The following LPP variants were observed in gnomAD, a reference collection of about 807,000 sequenced individuals.
The protein encoded by LPP is lipoma-preferred partner.
In LPP, 38 loss-of-function variants were observed where a neutral mutation model predicts 60.4. The ratio of observed to expected loss-of-function variants is 0.63; its 90% CI spans 0.49 to 0.83. The LOEUF is 0.83. Ranked by LOEUF, LPP falls within the 40% of genes least tolerant of loss-of-function variation. The pLI is 0.00. For synonymous variants in LPP, 328 were observed against 290.8 expected, an observed-to-expected ratio of 1.13 and a Z score of -1.30; for missense variants, 902 against 783.6, an observed-to-expected ratio of 1.15 and a Z score of -1.80.
chr3:188,206,283 G>A (rs1158705063), intron 1 of LPP, among the ~76,000 whole-genome samples: 1 of 152,150 alleles, frequency 6.6e-6, no homozygotes, highest in Non-Finnish European at 1.5e-5. Flanking sequence ...CCACAGAGTA[G>A]CTGCAGGACC....
intron 7 of LPP, among the ~76,000 whole-genome samples, chr3:188,653,349 C>T (rs1852474658): frequency 6.6e-6 from 1 of 152,104 alleles, no homozygotes; most frequent in Admixed American, 6.5e-5. Context: ...TTCTTTTGTA[C>T]TTGAACTTGT....
At chr3:188,410,348 G>A (rs1784608057) in intron 4 of LPP, among the ~76,000 whole-genome samples, 1 of 152,080 alleles carries the variant, frequency 6.6e-6, no homozygotes, top group Non-Finnish European at 1.5e-5. Flanking sequence ...TCTCACCTTG[G>A]TGTTACGTCT....
intron 6 of LPP, among the ~76,000 whole-genome samples, chr3:188,606,517 C>T (rs952568791): frequency 6.6e-6 from 1 of 151,916 alleles, no homozygotes; most frequent in Admixed American, 6.6e-5. Flanking sequence ...AAAGGGTAAA[C>T]TTGTCATTTA....
At chr3:188,715,585 A>C (rs781391507) in intron 8 of LPP, among the ~76,000 whole-genome samples, 2 of 152,126 alleles carry the variant, frequency 1.3e-5, no homozygotes, top group Non-Finnish European at 2.9e-5. Context: ...TTGTTTTTTC[A>C]AACAGTTTTA....
chr3:188,483,269 G>A (rs921737603), intron 4 of LPP, among the ~76,000 whole-genome samples: 2 of 152,092 alleles, frequency 1.3e-5, no homozygotes, highest in African/African-American at 2.4e-5. Context: ...CATTTCAAAG[G>A]TGTATCAGAA....
At chr3:188,721,519 A>G (rs1476609788) in intron 8 of LPP, among the ~76,000 whole-genome samples, 1 of 152,134 alleles carries the variant, frequency 6.6e-6, no homozygotes, top group Admixed American at 6.5e-5. Context: ...GCACCACCGC[A>G]CTCCAGCCTG....
Position 188,484,581 on chromosome 3 carries a change from C to A in LPP, c.194-11C>A, listed in dbSNP as rs201326475. 55 of 1,578,036 alleles carry A rather than the reference C, an allele frequency of 3.5e-5. No homozygotes were observed. The East Asian group carries it at 1.2e-3, about 35-fold the overall frequency. ...CTTATTAACTTCATGTTGTTTACTT[C>A]TTTTCTGTAGGTGATTTTCTTCCAC... On this transcript the variant is annotated splice_polypyrimidine_tract_variant and intron_variant, in intron 4 of 11. Transcript: ENST00000617246.
chr3:188,569,390 G>T (rs565403786), intron 6 of LPP, among the ~76,000 whole-genome samples: 1 of 152,050 alleles, frequency 6.6e-6, no homozygotes, highest in African/African-American at 2.4e-5. Context: ...GCCCTGGATT[G>T]TGAATGAAAA....
chr3:188,245,799 T>C (rs73059653), intron 2 of LPP, among the ~76,000 whole-genome samples: 2,581 of 152,124 alleles, frequency 0.017, 67 homozygotes, highest in African/African-American at 0.056. Flanking sequence ...ACCTCGGCCT[T>C]CCAAAGTGCT....
chr3:188,692,694 TG>T (rs1862386289), intron 7 of LPP, among the ~76,000 whole-genome samples: 1 of 152,258 alleles, frequency 6.6e-6, no homozygotes, highest in Admixed American at 6.5e-5. Flanking sequence ...ATCTTTAGCA[TG>T]GCACTTACTA....
intron 8 of LPP, among the ~76,000 whole-genome samples, chr3:188,740,415 T>C (rs1379895956): frequency 6.6e-6 from 1 of 152,056 alleles, no homozygotes; most frequent in Non-Finnish European, 1.5e-5. Flanking sequence ...ATATCCTACA[T>C]CAGTTTTAAT....
chr3:188,281,301 G>T (rs1331509976), intron 2 of LPP, among the ~76,000 whole-genome samples: 1 of 151,920 alleles, frequency 6.6e-6, no homozygotes, highest in Admixed American at 6.6e-5. Flanking sequence ...ATTTCTTGGT[G>T]GCAGAAGTTC....
chr3:188,595,511 C>T, intron 6 of LPP, among the ~76,000 whole-genome samples: 1 of 152,124 alleles, frequency 6.6e-6, no homozygotes, highest in East Asian at 1.9e-4. Context: ...CACCTTGTAC[C>T]ATGGTCAAAA....
Position 188,609,138 on chromosome 3 carries a change from C to CTT in LPP, c.430-16_430-15dup, listed in dbSNP as rs148971918. 1,810 of 1,525,010 alleles carry CTT rather than the reference C, an allele frequency of 1.2e-3. 21 individuals are homozygous for CTT. The East Asian group carries it at 0.025, about 21-fold the overall frequency. 94.5% of individuals were successfully genotyped at this position (1,525,010 alleles called of 1,614,324 possible). A position where few individuals can be genotyped will look rare whatever the true frequency, so the allele number is the denominator to read the frequency against. ...GCAGTAATTTTTGCTTTCTTTCTTT[C>CTT]TTTTTTTTCCTATTCTTTTTAGAGC... On this transcript the variant is annotated intron_variant, in intron 6 of 11. Coordinates refer to ENST00000617246, the MANE Select transcript of LPP (RefSeq NM_001375462.1). This position sits in a 1 kb window ranked among gnomAD's most constrained non-coding sequence, Gnocchi z 6.9.
rs983540927 is a variant in LPP at position 188,173,111 on chromosome 3, C to T, written c.-190+18859C>T. ...TTCAAACCCTTGGGCTCTAGCCATC[C>T]TCCTGCCTCAGCCTTTTAAACTGCT... On this transcript the variant is annotated intron_variant, in intron 1 of 11. Coordinates refer to ENST00000617246, the MANE Select transcript of LPP (RefSeq NM_001375462.1). Among the ~76,000 whole-genome samples, 5 of 152,204 alleles carry T rather than the reference C, an allele frequency of 3.3e-5. No individual in the cohort carries two copies. In the East Asian group the frequency reaches 7.7e-4, roughly 23 times the overall value.
chr3:188,394,803 T>C (rs1455792584), intron 3 of LPP, among the ~76,000 whole-genome samples: 4 of 152,304 alleles, frequency 2.6e-5, no homozygotes, highest in Admixed American at 6.5e-5. Flanking sequence ...CATTGGTTAA[T>C]GCTTAACCAG....
At chr3:188,462,197 G>A (rs535837009) in intron 4 of LPP, among the ~76,000 whole-genome samples, 15 of 151,794 alleles carry the variant, frequency 9.9e-5, no homozygotes, top group South Asian at 4.2e-4. Context: ...TAAGAATTAC[G>A]TCTCTTTTTT....
intron 9 of LPP, among the ~76,000 whole-genome samples, chr3:188,822,992 G>A (rs567154440): frequency 3.7e-4 from 56 of 152,036 alleles, no homozygotes; most frequent in Middle Eastern, 3.4e-3. Flanking sequence ...CCTTGTCATG[G>A]GCTAGATGAC....
intron 6 of LPP, among the ~76,000 whole-genome samples, chr3:188,533,049 C>T (rs1169461941): frequency 6.6e-6 from 1 of 152,166 alleles, no homozygotes; most frequent in Admixed American, 6.6e-5. Context: ...GGGTTCCTTT[C>T]ATAGAGCAAT....
Sources: gnomAD v4.1 joint callset for allele counts (sites outside exome capture counted in the v4.1 genomes callset) on GRCh38, gnomAD v4.1.1 for gene constraint, Gnocchi (gnomAD v3.1) non-coding constraint, MANE v1.5 for transcripts, NCBI Gene and HGNC (gene_info 2026-07-23, HGNC 2026-07-21) for gene names.